The following TCF4 variants were observed in gnomAD, a reference collection of about 807,000 sequenced individuals.
TCF4 encodes the protein transcription factor 4.
In TCF4, 3 loss-of-function variants were observed where a neutral mutation model predicts 82.1. That is an observed-to-expected ratio of 0.04 (90% CI 0.02 to 0.09). The LOEUF (loss-of-function observed/expected upper bound fraction) is 0.09, where lower values mean the gene tolerates loss of function less well. TCF4 is among the 10% of genes least tolerant of loss of function. The pLI is 1.00. For synonymous variants in TCF4, 276 were observed against 309.6 expected, an observed-to-expected ratio of 0.89 and a Z score of 1.14; for missense variants, 518 against 852.7, an observed-to-expected ratio of 0.61 and a Z score of 4.89.
chr18:55,505,328 ATAT>A (rs1239137702), intron 3 of TCF4, among the ~76,000 whole-genome samples: 2 of 152,210 alleles, frequency 1.3e-5, no homozygotes, highest in Non-Finnish European at 2.9e-5. Context: ...AAAAAGCAAT[ATAT>A]TATTATATTA....
intron 11 of TCF4, 99 bp downstream of exon 11, chr18:55,269,732 G>A: frequency 6.9e-7 from 1 of 1,443,152 alleles, no homozygotes; most frequent in African/African-American, 1.4e-5. Flanking sequence ...AATATTTAGT[G>A]CCTAATTGCT....
intron 8 of TCF4, among the ~76,000 whole-genome samples, chr18:55,297,220 AAGG>A (rs1447951155): frequency 2.2e-4 from 33 of 148,000 alleles, no homozygotes; most frequent in African/African-American, 7.9e-4. Flanking sequence ...AAAAAAAAAA[AAGG>A]AAAGAAAGAG....
At chr18:55,284,514 A>C (rs1200527679) in intron 8 of TCF4, 1 of 152,228 alleles carries the variant, frequency 6.6e-6, no homozygotes, top group African/African-American at 2.4e-5. Flanking sequence ...GAAACCTTAA[A>C]TCTGAAGGAA....
At chr18:55,519,888 T>C (rs1251634744) in intron 3 of TCF4, among the ~76,000 whole-genome samples, 1 of 152,198 alleles carries the variant, frequency 6.6e-6, no homozygotes, top group Non-Finnish European at 1.5e-5. Flanking sequence ...GAACTGTGGT[T>C]GCTAAATGAT....
rs34795346 is a variant in TCF4 at position 55,289,882 on chromosome 18, C to CA, written c.550-10227dup. Among the ~76,000 whole-genome samples, 823 of 138,462 alleles carry CA rather than the reference C, an allele frequency of 5.9e-3. 5 individuals carry two copies. The highest frequency in any genetic ancestry group is 0.018 in the Middle Eastern group (5 of 272). The allele number at this position is 138,462 out of a possible 152,430, so 90.8% of individuals were successfully genotyped here. ...AACAATAAGGTAAAAAAGGCATTACCAAAAAAAAAAAAATGTGCAGGTGTG... is the reference window on the plus strand; with the variant it reads ...AACAATAAGGTAAAAAAGGCATTACCAAAAAAAAAAAAAATGTGCAGGTGTG... On this transcript the variant is annotated intron_variant, in intron 8 of 19. Coordinates refer to ENST00000354452, the MANE Select transcript of TCF4 (RefSeq NM_001083962.2).
At chr18:55,533,385 AC>A (rs1346976464) in intron 3 of TCF4, among the ~76,000 whole-genome samples, 1 of 152,122 alleles carries the variant, frequency 6.6e-6, no homozygotes, top group East Asian at 1.9e-4. Context: ...GCAACAGACC[AC>A]GGGGACCCAT....
chr18:55,372,249 T>G lies in TCF4; in HGVS notation c.370-21246A>C, dbSNP rs2089450491. Among the ~76,000 whole-genome samples the G allele has an allele frequency of 4.6e-5, 7 of 152,170 alleles. No homozygotes were observed. In the South Asian group the frequency reaches 1.5e-3, roughly 32 times the overall value. ...TCGGTGGAATAACAATTTTGAATTA[T>G]TCTTAAAGATAAAAGTAGATGGATT... On this transcript the variant is annotated intron_variant, in intron 6 of 19. Transcript: ENST00000354452.
chr18:55,379,952 C>T (rs1603424886), intron 6 of TCF4, among the ~76,000 whole-genome samples: 2 of 152,254 alleles, frequency 1.3e-5, no homozygotes, highest in African/African-American at 2.4e-5. Flanking sequence ...TGGCTCACTG[C>T]AGCCTCGACT....
Position 55,224,913 on chromosome 18 carries a change from G to T in TCF4, c.*3122C>A, listed in dbSNP as rs575383979. 1 of 152,586 alleles carries T rather than the reference G, an allele frequency of 6.6e-6. No homozygotes were observed. Among genetic ancestry groups the T allele is most frequent in the Admixed American group, 6.5e-5 (1 of 15,298 alleles). 9.5% of individuals were successfully genotyped at this position (152,586 alleles called of 1,614,324 possible). ...TCCCCAGCCTAAGTGTCGTCATACA[G>T]ATAGCGTAGTATGGACCCTTTTGAA... On this transcript the variant is annotated 3_prime_UTR_variant, in exon 20 of 20. Coordinates refer to ENST00000354452, the MANE Select transcript of TCF4 (RefSeq NM_001083962.2).
intron 5 of TCF4, among the ~76,000 whole-genome samples, chr18:55,455,276 A>T (rs1242979253): frequency 6.6e-6 from 1 of 151,210 alleles, no homozygotes; most frequent in African/African-American, 2.4e-5. Context: ...AGTTCTCCTG[A>T]CTCCTGACTA....
intron 3 of TCF4, among the ~76,000 whole-genome samples, chr18:55,513,812 CTTCT>C (rs1183093208): frequency 1.3e-5 from 2 of 152,126 alleles, no homozygotes; most frequent in Non-Finnish European, 2.9e-5. Flanking sequence ...TTCTCTATCT[CTTCT>C]TTCTCTGTGT....
At chr18:55,302,321 G>A in intron 8 of TCF4, 5 of 1,135,032 alleles carry the variant, frequency 4.4e-6, no homozygotes, top group Non-Finnish European at 6.3e-6. Context: ...CAAAGCAAAT[G>A]GGTAACATAC....
chr18:55,630,443 G>T (rs563690179), intron 2 of TCF4, among the ~76,000 whole-genome samples: 1 of 152,144 alleles, frequency 6.6e-6, no homozygotes, highest in Admixed American at 6.5e-5. Flanking sequence ...TCAATGATAT[G>T]CTAACTGAGA....
intron 8 of TCF4, among the ~76,000 whole-genome samples, chr18:55,311,579 G>A (rs568105028): frequency 4.6e-5 from 7 of 152,166 alleles, no homozygotes; most frequent in Non-Finnish European, 8.8e-5. Context: ...TCCATCTCGA[G>A]GAGTATCTTC....
At chr18:55,390,307 A>AAAAAAG (rs1556003274) in intron 6 of TCF4, among the ~76,000 whole-genome samples, 8 of 140,760 alleles carry the variant, frequency 5.7e-5, no homozygotes, top group African/African-American at 8.2e-5. Flanking sequence ...AAAAAAAAAA[A>AAAAAAG]AAAGAAAGAA....
intron 7 of TCF4, 69 bp from the exon 8 acceptor site, chr18:55,350,477 A>G: frequency 6.6e-7 from 1 of 1,511,652 alleles, no homozygotes; most frequent in Non-Finnish European, 9.2e-7. Flanking sequence ...GTTAAACCAC[A>G]AAGACTTCTA....
chr18:55,274,326 A>G (rs2061023482), intron 10 of TCF4, among the ~76,000 whole-genome samples: 1 of 152,192 alleles, frequency 6.6e-6, no homozygotes, highest in African/African-American at 2.4e-5. Flanking sequence ...TTTGTGATTT[A>G]CACATTCAAT....
chr18:55,620,631 TCTG>T (rs1247881682), intron 2 of TCF4, among the ~76,000 whole-genome samples: 1 of 152,198 alleles, frequency 6.6e-6, no homozygotes, highest in Non-Finnish European at 1.5e-5. Flanking sequence ...CCTACTGAGT[TCTG>T]CTTAGGTTTT....
intron 10 of TCF4, among the ~76,000 whole-genome samples, chr18:55,275,218 T>C (rs1186555809): frequency 1.4e-5 from 2 of 142,234 alleles, no homozygotes; most frequent in Non-Finnish European, 3.0e-5. Context: ...GGGTGATGCA[T>C]ATAATCTACC....
Sources: gnomAD v4.1 joint callset for allele counts (sites outside exome capture counted in the v4.1 genomes callset) on GRCh38, gnomAD v4.1.1 for gene constraint, MANE v1.5 for transcripts, NCBI Gene and HGNC (gene_info 2026-07-23, HGNC 2026-07-21) for gene names.